The following TRAPPC9 variants were observed in gnomAD, a reference collection of about 807,000 sequenced individuals.
The protein encoded by TRAPPC9 is IKK2 binding protein.
TRAPPC9 carries 83 observed loss-of-function variants against 124.0 expected under a neutral mutation model. The ratio of observed to expected loss-of-function variants is 0.67; its 90% CI spans 0.56 to 0.80. The LOEUF (loss-of-function observed/expected upper bound fraction) is 0.80. TRAPPC9 is among the 30% of genes least tolerant of loss of function. The pLI is 0.00. For missense variants in TRAPPC9, 1,302 were observed against 1,508.3 expected (o/e 0.86, Z 2.27); for synonymous variants, 638 against 617.5 (o/e 1.03, Z -0.49).
chr8:140,137,569 G>A (rs2061324957), intron 17 of TRAPPC9, among the ~76,000 whole-genome samples: 1 of 152,180 alleles, frequency 6.6e-6, no homozygotes, highest in Admixed American at 6.5e-5. Context: ...TGACGGTCGG[G>A]GTCAAGCCAC....
intron 17 of TRAPPC9, among the ~76,000 whole-genome samples, chr8:140,127,003 GA>G (rs1486657823): frequency 2.0e-5 from 3 of 152,208 alleles, no homozygotes; most frequent in Non-Finnish European, 4.4e-5. Context: ...TCTGGAACTG[GA>G]GTCTACCTTT....
In TRAPPC9 at chr8:140,034,106, A is replaced by G. The variant is rs116129167; in HGVS notation, c.2557-10027T>C. Among the ~76,000 whole-genome samples, 1,388 of 152,226 alleles carry G rather than the reference A, an allele frequency of 9.1e-3. 17 individuals carry two copies. Among genetic ancestry groups the G allele is most frequent in the African/African-American group, 0.031 (1,307 of 41,534 alleles). On this transcript the variant is annotated intron_variant, in intron 17 of 22. Coordinates refer to ENST00000438773, the MANE Select transcript of TRAPPC9 (RefSeq NM_001160372.4). ...CTAGGGAATCATCAACTTTACTAATATTTTGCAAGAATTAATTTTTGGCTT... is the reference window on the plus strand; with the variant it reads ...CTAGGGAATCATCAACTTTACTAATGTTTTGCAAGAATTAATTTTTGGCTT...
intron 17 of TRAPPC9, among the ~76,000 whole-genome samples, chr8:140,198,232 GT>G (rs2062712189): frequency 6.6e-6 from 1 of 152,154 alleles, no homozygotes; most frequent in Non-Finnish European, 1.5e-5. Context: ...AACAAAGACG[GT>G]AAACAGCCCT....
At chr8:139,981,015 G>C (rs1200847467) in intron 19 of TRAPPC9, among the ~76,000 whole-genome samples, 2 of 152,208 alleles carry the variant, frequency 1.3e-5, no homozygotes, top group Admixed American at 6.5e-5. Context: ...AGAAAGAGAA[G>C]AATTTCTCTT....
At position 140,457,684 on chromosome 8, in the gene TRAPPC9, G is replaced by GGCAGCGGGGCCGA. The variant is rs2071735096; in HGVS notation, c.-69_-57dup. On this transcript the variant is annotated 5_prime_UTR_variant, in exon 1 of 23. Coordinates refer to ENST00000438773, the MANE Select transcript of TRAPPC9 (RefSeq NM_001160372.4). ...CGGAGCGGGAGCCCACGACCTGGCG[G>GGCAGCGGGGCCGA]GCAGCGGGGCCGAGCAGCCTCTGCG... is the stretch of plus-strand genomic sequence containing the variant. 1 of 986,578 alleles carries GGCAGCGGGGCCGA rather than the reference G, an allele frequency of 1.0e-6. No individual in the cohort carries two copies. Among genetic ancestry groups the GGCAGCGGGGCCGA allele is most frequent in the Non-Finnish European group, 1.2e-6 (1 of 830,772 alleles). The allele number at this position is 986,578 out of a possible 1,614,324, so 61.1% of individuals were successfully genotyped here.
chr8:140,017,742 A>T (rs1466224255), intron 18 of TRAPPC9, among the ~76,000 whole-genome samples: 1 of 152,190 alleles, frequency 6.6e-6, no homozygotes, highest in Non-Finnish European at 1.5e-5. Flanking sequence ...ATTCCACTAA[A>T]CAAAAATCCT....
chr8:140,427,218 A>T (rs2070456706), intron 4 of TRAPPC9, among the ~76,000 whole-genome samples: 1 of 151,720 alleles, frequency 6.6e-6, no homozygotes, highest in Non-Finnish European at 1.5e-5. Flanking sequence ...TTAAACAAGT[A>T]TGACAATTCC....
intron 5 of TRAPPC9, among the ~76,000 whole-genome samples, chr8:140,410,775 A>G (rs1000570014): frequency 6.6e-6 from 1 of 151,940 alleles, no homozygotes; most frequent in African/African-American, 2.4e-5. Context: ...CACAGGAGGC[A>G]GAGCTTGCAG....
chr8:140,334,560 G>A (rs2066984466), intron 9 of TRAPPC9, among the ~76,000 whole-genome samples: 1 of 151,986 alleles, frequency 6.6e-6, no homozygotes, highest in African/African-American at 2.4e-5. Flanking sequence ...TGAGGCAGGA[G>A]AATCGCTTGA....
chr8:139,905,722 C>T (rs1307614670), intron 20 of TRAPPC9, among the ~76,000 whole-genome samples: 1 of 151,858 alleles, frequency 6.6e-6, no homozygotes, highest in Non-Finnish European at 1.5e-5. Flanking sequence ...TAACACATAG[C>T]AGCCACACAA....
chr8:139,746,064 G>T (rs12678243), intron 21 of TRAPPC9, among the ~76,000 whole-genome samples: 7,668 of 152,310 alleles, frequency 0.05, 239 homozygotes, highest in South Asian at 0.13. Context: ...CCACGGCTCT[G>T]TGATCAGGGT....
chr8:139,782,206 C>T (rs933742772), intron 21 of TRAPPC9, among the ~76,000 whole-genome samples: 1 of 152,004 alleles, frequency 6.6e-6, no homozygotes, highest in Non-Finnish European at 1.5e-5. Flanking sequence ...ATGGTGAAAC[C>T]CTGACTCTAC....
At chr8:140,363,486 G>A (rs936353087) in intron 8 of TRAPPC9, among the ~76,000 whole-genome samples, 2 of 152,140 alleles carry the variant, frequency 1.3e-5, no homozygotes, top group African/African-American at 2.4e-5. Flanking sequence ...TGACTTTTGT[G>A]TTTTGTTAAA....
chr8:140,117,200 A>G (rs538048679), intron 17 of TRAPPC9, among the ~76,000 whole-genome samples: 1 of 152,320 alleles, frequency 6.6e-6, no homozygotes, highest in Admixed American at 6.5e-5. Context: ...TAAAGTGGAG[A>G]TAATATGTTC....
chr8:140,443,251 T>G (rs185824885), intron 2 of TRAPPC9, among the ~76,000 whole-genome samples: 2,242 of 142,002 alleles, frequency 0.016, 81 homozygotes, highest in African/African-American at 0.055. Context: ...CTGGCTAACA[T>G]GATGAAACCC....
At chr8:140,290,815 A>G (rs377500987) in intron 12 of TRAPPC9, among the ~76,000 whole-genome samples, 178 bp downstream of exon 12, 12 of 152,354 alleles carry the variant, frequency 7.9e-5, no homozygotes, top group African/African-American at 2.9e-4. Flanking sequence ...AACCAAGCCT[A>G]AAGACACAGG....
In TRAPPC9 at chr8:140,252,870, A is replaced by G. The variant is rs2064161661; in HGVS notation, c.2338T>C (p.Leu780=). Residue 780 remains leucine (L), a synonymous_variant, in exon 16 of 23, where the codon TTG becomes CTG. Transcript: ENST00000438773. This position sits in a 1 kb window ranked among gnomAD's most constrained non-coding sequence, Gnocchi z 4.2. ...AACGTGGCCACCTTCCCAGGCTGCA[A>G]AGGGAACTGGGCAAGGGTTTCCTCT... ...KLEETLAQFP[L]QPGKVATFTI... 8 of 1,614,122 alleles carry G rather than the reference A, an allele frequency of 5.0e-6. No homozygotes were observed. Among genetic ancestry groups the G allele is most frequent in the Non-Finnish European group, 6.8e-6 (8 of 1,180,020 alleles).
rs1398965310 is a variant in TRAPPC9, at chr8:140,125,102, G to A, written c.2556+96357C>T. Among the ~76,000 whole-genome samples the A allele has an allele frequency of 4.6e-5, 7 of 152,206 alleles. No individual in the cohort carries two copies. In the South Asian group the frequency reaches 6.2e-4, roughly 14 times the overall value. On this transcript the variant is annotated intron_variant, in intron 17 of 22. Transcript: ENST00000438773. The stretch of plus-strand genomic sequence containing the variant: ...CCTGCCCACCTCCTCACGGGGCTGC[G>A]AGGGGAAGTGAGGCAAGGGACAGTA...
intron 9 of TRAPPC9, among the ~76,000 whole-genome samples, chr8:140,346,934 G>A (rs1057017579): frequency 2.6e-5 from 4 of 151,942 alleles, no homozygotes; most frequent in African/African-American, 4.9e-5. Context: ...CCAGCCCCTC[G>A]CTGTGAAGCT....
Sources: gnomAD v4.1 joint callset for allele counts (sites outside exome capture counted in the v4.1 genomes callset) on GRCh38, gnomAD v4.1.1 for gene constraint, Gnocchi (gnomAD v3.1) non-coding constraint, MANE v1.5 for transcripts, NCBI Gene and HGNC (gene_info 2026-07-23, HGNC 2026-07-21) for gene names.